The following WWOX variants were observed in gnomAD, a reference collection of about 807,000 sequenced individuals.
The protein encoded by WWOX is WW domain-containing oxidoreductase.
WWOX carries 69 observed loss-of-function variants against 46.2 expected under a neutral mutation model. That is an observed-to-expected ratio of 1.49 (90% confidence interval 1.23 to 1.82). The LOEUF is 1.82. Ranked by LOEUF, WWOX falls within the 40% of genes most tolerant of loss-of-function variation. The pLI is 0.00. For missense variants in WWOX, 919 were observed against 542.6 expected (o/e 1.69, Z -6.89); for synonymous variants, 359 against 202.6 (o/e 1.77, Z -6.56).
rs182087916 is a variant in WWOX, at chr16:79,065,636, C to G, written c.1057-145972C>G. On this transcript the variant is annotated intron_variant, in intron 8 of 8. Transcript: ENST00000566780. ...GTTCCAAATCTTGTGACCTCCTATG[C>G]CTACATCTTAGCTGAATTCAGACCC... is the stretch of plus-strand genomic sequence containing the variant. 5.0e-3 allele frequency among the ~76,000 whole-genome samples: 764 copies of G among 152,324 alleles called. 9 individuals carry two copies. The highest frequency in any genetic ancestry group is 0.018 in the African/African-American group (749 of 41,574).
At chr16:78,484,497 A>G (rs2084580749) in intron 8 of WWOX, among the ~76,000 whole-genome samples, 1 of 152,360 alleles carries the variant, frequency 6.6e-6, no homozygotes, top group South Asian at 2.1e-4. Context: ...TCATTACAGT[A>G]AGACTTATTA....
chr16:79,124,671 G>A (rs2049712466), intron 8 of WWOX, among the ~76,000 whole-genome samples: 1 of 152,204 alleles, frequency 6.6e-6, no homozygotes, highest in African/African-American at 2.4e-5. Flanking sequence ...GGCAAGAAAA[G>A]AAGGGTGATG....
At chr16:78,466,011 A>G in intron 8 of WWOX, among the ~76,000 whole-genome samples, 1 of 148,362 alleles carries the variant, frequency 6.7e-6, no homozygotes, top group African/African-American at 2.6e-5. Context: ...TAATGAGTAC[A>G]AGTTTCTTTA....
chr16:79,134,207 A>C (rs998124719), intron 8 of WWOX, among the ~76,000 whole-genome samples: 3 of 152,164 alleles, frequency 2.0e-5, no homozygotes, highest in African/African-American at 7.2e-5. Context: ...TACAAAGGAA[A>C]AAGAAAGAAT....
At chr16:78,999,594 G>A (rs1318504529) in intron 8 of WWOX, among the ~76,000 whole-genome samples, 1 of 152,200 alleles carries the variant, frequency 6.6e-6, no homozygotes, top group Non-Finnish European at 1.5e-5. Flanking sequence ...GACCCTTCAT[G>A]TGAAGAAATT....
intron 8 of WWOX, among the ~76,000 whole-genome samples, chr16:78,953,039 C>A (rs1176683625): frequency 7.0e-6 from 1 of 142,152 alleles, no homozygotes; most frequent in Non-Finnish European, 1.5e-5. Flanking sequence ...TTTTTTTTTT[C>A]CAGTTGTTGT....
At chr16:78,608,328 T>G (rs934702487) in intron 8 of WWOX, among the ~76,000 whole-genome samples, 2 of 152,224 alleles carry the variant, frequency 1.3e-5, no homozygotes, top group African/African-American at 4.8e-5. Context: ...CTATCCTGTT[T>G]TGCTTTCTTT....
chr16:78,839,597 C>A (rs532747564), intron 8 of WWOX, among the ~76,000 whole-genome samples: 1 of 152,312 alleles, frequency 6.6e-6, no homozygotes, highest in South Asian at 2.1e-4. Flanking sequence ...GCATCCCAGC[C>A]TGTCAGCACA....
At chr16:78,879,407 A>G (rs2044296942) in intron 8 of WWOX, among the ~76,000 whole-genome samples, 1 of 152,074 alleles carries the variant, frequency 6.6e-6, no homozygotes, top group African/African-American at 2.4e-5. Flanking sequence ...TAGTTTCTTC[A>G]TGCCATAAGG....
intron 8 of WWOX, among the ~76,000 whole-genome samples, chr16:78,996,653 T>C (rs1269355573): frequency 6.6e-6 from 1 of 152,114 alleles, no homozygotes; most frequent in African/African-American, 2.4e-5. Flanking sequence ...TCTAGTGTGC[T>C]CTACATCCCC....
At chr16:78,712,074 A>G (rs1376866371) in intron 8 of WWOX, among the ~76,000 whole-genome samples, 1 of 152,122 alleles carries the variant, frequency 6.6e-6, no homozygotes, top group African/African-American at 2.4e-5. Flanking sequence ...TTCATTATAG[A>G]TGTCTTATAT....
At chr16:78,597,294 C>T (rs143849572) in intron 8 of WWOX, among the ~76,000 whole-genome samples, 220 of 152,266 alleles carry the variant, frequency 1.4e-3, no homozygotes, top group African/African-American at 4.9e-3. Context: ...ATCAATTAAA[C>T]GGATACTATT....
intron 8 of WWOX, among the ~76,000 whole-genome samples, chr16:79,075,604 G>T (rs2048640899): frequency 1.3e-5 from 2 of 151,360 alleles, no homozygotes; most frequent in Non-Finnish European, 2.9e-5. Flanking sequence ...CCAGGCTGGA[G>T]TTTAGTGGCA....
chr16:78,985,186 C>T (rs1048281988), intron 8 of WWOX, among the ~76,000 whole-genome samples: 4 of 152,228 alleles, frequency 2.6e-5, no homozygotes, highest in Non-Finnish European at 5.9e-5. Context: ...CATGCGATTT[C>T]TTCCAGGACT....
chr16:78,229,788 T>G (rs1287669720), intron 5 of WWOX, among the ~76,000 whole-genome samples: 1 of 152,156 alleles, frequency 6.6e-6, no homozygotes, highest in Non-Finnish European at 1.5e-5. Flanking sequence ...CCTCCTTTTC[T>G]TTCTGAATTC....
intron 8 of WWOX, among the ~76,000 whole-genome samples, chr16:79,183,534 T>C (rs2050953867): frequency 6.6e-6 from 1 of 152,230 alleles, no homozygotes; most frequent in Non-Finnish European, 1.5e-5. Context: ...CATCCAACCA[T>C]AATCATTGTG....
At chr16:78,473,441 A>G (rs894420678) in intron 8 of WWOX, among the ~76,000 whole-genome samples, 1 of 152,142 alleles carries the variant, frequency 6.6e-6, no homozygotes, top group Non-Finnish European at 1.5e-5. Flanking sequence ...TTGTTGATAC[A>G]GTATGACAAG....
At chr16:78,807,288 T>C (rs537280272) in intron 8 of WWOX, among the ~76,000 whole-genome samples, 2 of 152,342 alleles carry the variant, frequency 1.3e-5, no homozygotes, top group Admixed American at 6.5e-5. Flanking sequence ...CAACATCTCA[T>C]ACCACAATGT....
chr16:78,783,929 A>G (rs1351436352), intron 8 of WWOX, among the ~76,000 whole-genome samples: 2 of 151,796 alleles, frequency 1.3e-5, no homozygotes, highest in Non-Finnish European at 2.9e-5. Flanking sequence ...GTCGATAATG[A>G]TGGTGATGCT....
Sources: allele counts gnomAD v4.1 joint callset (sites outside exome capture counted in the v4.1 genomes callset), GRCh38; gene constraint gnomAD v4.1.1; transcripts MANE v1.5; gene names NCBI Gene and HGNC (gene_info 2026-07-23, HGNC 2026-07-21).